CYBB: variants seen among roughly 807,000 people sequenced by gnomAD.
CYBB encodes the protein cytochrome b-245 beta chain.
In CYBB, 5 loss-of-function variants were observed where a neutral mutation model predicts 46.5. The ratio of observed to expected loss-of-function variants is 0.11; its 90% CI spans 0.06 to 0.23. The LOEUF is 0.23. Ranked by LOEUF, CYBB falls within the 10% of genes least tolerant of loss-of-function variation. CYBB has a pLI of 1.00. For missense variants in CYBB, 307 were observed against 428.3 expected, an observed-to-expected ratio of 0.72 and a Z score of 2.50; for synonymous variants, 183 against 156.7, an observed-to-expected ratio of 1.17 and a Z score of -1.26.
rs1227833866 is a variant in CYBB at position 37,811,791 on chromosome X, T to C, written c.*874T>C. The C allele has an allele frequency of 8.9e-6, 1 of 111,980 alleles. No homozygotes were observed. The highest frequency in any genetic ancestry group is 9.5e-5 in the Admixed American group (1 of 10,572). 9.2% of individuals were successfully genotyped at this position (111,980 alleles called of 1,213,427 possible). On this transcript the variant is annotated 3_prime_UTR_variant, in exon 13 of 13. Transcript: ENST00000378588. The stretch of plus-strand genomic sequence containing the variant: ...AGGGTCAAGAACAGGCTAAGGATAC[T>C]AACCAATAGGATTGCCTGAAGGGTT...
intron 3 of CYBB, among the ~76,000 whole-genome samples, chrX:37,788,726 A>C (rs1188005709): frequency 9.0e-6 from 1 of 111,426 alleles, no homozygotes; most frequent in Non-Finnish European, 1.9e-5. Flanking sequence ...TTGCTCTGAA[A>C]TGTGTAATTC....
chrX:37,793,570 T>G, intron 4 of CYBB, 95 bp from the exon 5 acceptor site: 2 of 990,925 alleles, frequency 2.0e-6, no homozygotes, highest in Non-Finnish European at 2.8e-6. Context: ...TCCCTGTGGC[T>G]TATCATAGAG....
chrX:37,784,775 A>G (rs1929026362), intron 3 of CYBB, among the ~76,000 whole-genome samples: 1 of 111,850 alleles, frequency 8.9e-6, no homozygotes, highest in South Asian at 3.7e-4. Context: ...AGGACAGCAG[A>G]AAGCAAACTA....
At chrX:37,784,701 T>A (rs73632406) in intron 3 of CYBB, among the ~76,000 whole-genome samples, 5,025 of 111,313 alleles carry the variant, frequency 0.045, 252 homozygotes, top group African/African-American at 0.14. Context: ...AGGTTTTTTT[T>A]AAAAAATAAA....
chrX:37,790,920 A>G (rs1416616020), intron 3 of CYBB, among the ~76,000 whole-genome samples: 1 of 111,754 alleles, frequency 8.9e-6, no homozygotes, highest in Non-Finnish European at 1.9e-5. Flanking sequence ...GACATTGGCC[A>G]GTTTTCAGGA....
In CYBB at chrX:37,786,541, T is replaced by C. The variant is rs189997377; in HGVS notation, c.252+2941T>C. On this transcript the variant is annotated intron_variant, in intron 3 of 12. Coordinates refer to ENST00000378588, the MANE Select transcript of CYBB (RefSeq NM_000397.4). Reference sequence around the variant, plus strand: ...ATTCAGTTTCTAGAGGTCTCAATCATTGAAACTTTGCTTTGTAATCCTTCT... The same window carrying C: ...ATTCAGTTTCTAGAGGTCTCAATCACTGAAACTTTGCTTTGTAATCCTTCT... Among the ~76,000 whole-genome samples, 9 of 111,360 alleles carry C rather than the reference T, an allele frequency of 8.1e-5. No individual in the cohort carries two copies. In the East Asian group the frequency reaches 2.5e-3, roughly 31 times the overall value.
rs191645868 is a variant in CYBB, at chrX:37,802,952, A to G, written c.898-925A>G. ...TGCTCTTCACTGTGTTCTATTTTTT[A>G]AAAAAATTATCCAGTCAATAGTTGA... On this transcript the variant is annotated intron_variant, in intron 8 of 12. Transcript: ENST00000378588. 3.6e-5 allele frequency among the ~76,000 whole-genome samples: 4 copies of G among 112,185 alleles called. No individual in the cohort carries two copies. In the East Asian group the frequency reaches 1.1e-3, roughly 31 times the overall value.
rs2146802012 is a variant in CYBB at position 37,780,131 on chromosome X, C to G, written c.45+9C>G. 3.4e-6 allele frequency: 4 copies of G among 1,189,110 alleles called. No homozygotes were observed. Among genetic ancestry groups the G allele is most frequent in the Non-Finnish European group, 3.4e-6 (3 of 875,306 alleles). On this transcript the variant is annotated intron_variant, in intron 1 of 12. Coordinates refer to ENST00000378588, the MANE Select transcript of CYBB (RefSeq NM_000397.4). ...TCTCCATTTTTGTCATTGTAAGTAC[C>G]AACAAGAGATAAGTTATAAATTCTC...
Position 37,805,150 on chromosome X carries a change from C to T in CYBB, c.1296C>T (p.Thr432=), listed in dbSNP as rs782808570. ...SVWYKYCNNA[T]NLKLKKIYFY... Reference sequence around the variant, plus strand: ...GGTACAAATATTGCAATAACGCCACCAATCTGAAGCTCAAAAAGGTAAGTC... The same window carrying T: ...GGTACAAATATTGCAATAACGCCACTAATCTGAAGCTCAAAAAGGTAAGTC... Residue 432 remains threonine (T), a synonymous_variant, in exon 10 of 13, where the codon ACC becomes ACT. Transcript: ENST00000378588. 9.1e-6 allele frequency: 11 copies of T among 1,210,838 alleles called. No individual in the cohort carries two copies. In the South Asian group the frequency reaches 1.8e-4, roughly 19 times the overall value.
chrX:37,792,467 A>T (rs1929218091), intron 4 of CYBB, among the ~76,000 whole-genome samples: 1 of 111,460 alleles, frequency 9.0e-6, no homozygotes, highest in South Asian at 3.7e-4. Context: ...CCATAAATTG[A>T]GAATCCCTCA....
At chrX:37,799,366 T>C (rs1929389579) in intron 7 of CYBB, among the ~76,000 whole-genome samples, 1 of 112,004 alleles carries the variant, frequency 8.9e-6, no homozygotes, top group African/African-American at 3.2e-5. Context: ...ATCTCTTTTC[T>C]TCATGACGAC....
At chrX:37,810,418 C>A (rs1929645894) in intron 12 of CYBB, among the ~76,000 whole-genome samples, 1 of 112,058 alleles carries the variant, frequency 8.9e-6, no homozygotes, top group South Asian at 3.7e-4. Flanking sequence ...GAAATGAAGC[C>A]ACACTGAGTG....
chrX:37,805,258 A>G, intron 10 of CYBB, 90 bp downstream of exon 10: 2 of 961,572 alleles, frequency 2.1e-6, no homozygotes, highest in Non-Finnish European at 2.9e-6. Context: ...TAAGGTTGGC[A>G]GAGACCATGG....
Position 37,796,597 on chromosome X carries a change from G to A in CYBB, c.674+456G>A, listed in dbSNP as rs1482519033. 2.7e-5 allele frequency among the ~76,000 whole-genome samples: 3 copies of A among 111,743 alleles called. No individual in the cohort carries two copies. In the East Asian group the frequency reaches 8.5e-4, roughly 32 times the overall value. On this transcript the variant is annotated intron_variant, in intron 6 of 12. Coordinates refer to ENST00000378588, the MANE Select transcript of CYBB (RefSeq NM_000397.4). ...TTTATTTGTTGTCTACCATGTATGA[G>A]GACCTATCTCAGGCACTGCAGGAAA... is the stretch of plus-strand genomic sequence containing the variant.
At position 37,809,547 on chromosome X, in the gene CYBB, A is replaced by G; in HGVS notation, c.1462-20A>G. 1 of 1,188,119 alleles carries G rather than the reference A, an allele frequency of 8.4e-7. No homozygotes were observed. Among genetic ancestry groups the G allele is most frequent in the Non-Finnish European group, 1.1e-6 (1 of 881,617 alleles). ...TACAGAATGTCTCTTTTTTTTCTGAATTCATGTCCTTTCCTGTAGGCCAAT... is the reference window on the plus strand; with the variant it reads ...TACAGAATGTCTCTTTTTTTTCTGAGTTCATGTCCTTTCCTGTAGGCCAAT... On this transcript the variant is annotated intron_variant, in intron 11 of 12. Transcript: ENST00000378588.
intron 3 of CYBB, among the ~76,000 whole-genome samples, chrX:37,788,849 C>T (rs1034023513): frequency 1.8e-5 from 2 of 111,862 alleles, no homozygotes; most frequent in Non-Finnish European, 3.8e-5. Context: ...CAAATTACCA[C>T]AATAACTTAA....
chrX:37,796,549 GTT>G lies in CYBB; in HGVS notation c.674+411_674+412del, dbSNP rs200800216. On this transcript the variant is annotated intron_variant, in intron 6 of 12. Coordinates refer to ENST00000378588, the MANE Select transcript of CYBB (RefSeq NM_000397.4). The stretch of plus-strand genomic sequence containing the variant: ...GAAGAGGTTTGTTATAGTTCAATAA[GTT>G]TTGATTTAAGCCCACAGTCATTTAT... Among the ~76,000 whole-genome samples, 55 of 111,593 alleles carry G rather than the reference GTT, an allele frequency of 4.9e-4. No homozygotes were observed. The East Asian group carries it at 0.016, about 32-fold the overall frequency.
At position 37,805,220 on chromosome X, in the gene CYBB, A is replaced by G. The variant is rs375473312; in HGVS notation, c.1314+52A>G. On this transcript the variant is annotated intron_variant, in intron 10 of 12. Coordinates refer to ENST00000378588, the MANE Select transcript of CYBB (RefSeq NM_000397.4). Reference sequence around the variant, plus strand: ...CTTAGAGCAGTAACCATACTCTGCCATGTGAGGCCTGAGAGTGCTTTCAGG... The same window carrying G: ...CTTAGAGCAGTAACCATACTCTGCCGTGTGAGGCCTGAGAGTGCTTTCAGG... 4,099 of 1,149,893 alleles carry G rather than the reference A, an allele frequency of 3.6e-3. 9 individuals are homozygous for G. The highest frequency in any genetic ancestry group is 4.5e-3 in the Non-Finnish European group (3,823 of 844,702). 94.8% of individuals were successfully genotyped at this position (1,149,893 alleles called of 1,213,427 possible).
At chrX:37,806,577 A>G in intron 11 of CYBB, 44 bp downstream of exon 11, 1 of 1,150,003 alleles carries the variant, frequency 8.7e-7, no homozygotes, top group Non-Finnish European at 1.2e-6. Flanking sequence ...CATAGTGTAC[A>G]GGGCTTACGA....
Sources: gnomAD v4.1 joint callset for allele counts (sites outside exome capture counted in the v4.1 genomes callset) on GRCh38, gnomAD v4.1.1 for gene constraint, MANE v1.5 for transcripts, NCBI Gene and HGNC (gene_info 2026-07-23, HGNC 2026-07-21) for gene names.